The following NOP9 variants were observed in gnomAD, a reference collection of about 807,000 sequenced individuals.
The protein encoded by NOP9 is nucleolar protein 9.
NOP9 carries 50 observed loss-of-function variants against 63.0 expected under a neutral mutation model. The ratio of observed to expected loss-of-function variants is 0.79; its 90% CI spans 0.63 to 1.00. The LOEUF (loss-of-function observed/expected upper bound fraction) is 1.00. Ranked by LOEUF, NOP9 falls within the 50% of genes least tolerant of loss-of-function variation. The pLI is 0.00. For missense variants in NOP9, 758 were observed against 803.0 expected (o/e 0.94, Z 0.68); for synonymous variants, 343 against 332.8 (o/e 1.03, Z -0.33).
Position 24,299,963 on chromosome 14 carries a change from G to T in NOP9, c.9G>T (p.Gln3His). The change falls in exon 1 of 10, where the codon CAG becomes CAT. Residue 3 changes from glutamine (Q) to histidine (H), a missense_variant. Coordinates refer to ENST00000267425, the MANE Select transcript of NOP9 (RefSeq NM_174913.3). MG[Q>H]GPRSPHKVGR... ...CAGGTCGCGAAGCACACATGGGGCA[G>T]GGTCCGCGCTCTCCACACAAGGTGG... 6.4e-7 allele frequency: 1 copy of T among 1,559,310 alleles called. No individual in the cohort carries two copies. Among genetic ancestry groups the T allele is most frequent in the Non-Finnish European group, 8.7e-7 (1 of 1,153,566 alleles).
At chr14:24,287,715 C>T in the NOP9 span, among the ~76,000 whole-genome samples, 1 of 152,210 alleles carries the variant, frequency 6.6e-6, no homozygotes, top group Non-Finnish European at 1.5e-5. Flanking sequence ...ACCTCCACCC[C>T]TCGCCCATCC....
Position 24,306,282 on chromosome 14 carries a change from C to G in NOP9, c.*1187C>G, listed in dbSNP as rs1040452542. 3.2e-6 allele frequency: 5 copies of G among 1,568,130 alleles called. No homozygotes were observed. Among genetic ancestry groups the G allele is most frequent in the African/African-American group, 1.4e-5 (1 of 73,894 alleles). On this transcript the variant is annotated 3_prime_UTR_variant, in exon 10 of 10. Transcript: ENST00000267425. ...GACAATTCCACAACTCCTCCTGCAC[C>G]TGGTCCCCAGGATCAGGGTTAAGCT... is the stretch of plus-strand genomic sequence containing the variant.
At position 24,307,219 on chromosome 14, in the gene NOP9, A is replaced by C; in HGVS notation, c.*2124A>C. ...TCGGTGGAAAATGAACAAATTGACC[A>C]GAGCTCATTAGGCCCACTCCGCTGC... On this transcript the variant is annotated 3_prime_UTR_variant, in exon 10 of 10. Transcript: ENST00000267425. The C allele has an allele frequency of 7.9e-6, 6 of 757,584 alleles. No homozygotes were observed. The highest frequency in any genetic ancestry group is 1.3e-5 in the Non-Finnish European group (6 of 469,004). The allele number at this position is 757,584 out of a possible 1,614,324, so 46.9% of individuals were successfully genotyped here.
the NOP9 span, among the ~76,000 whole-genome samples, chr14:24,283,282 G>C: frequency 2.0e-5 from 3 of 152,150 alleles, no homozygotes; most frequent in African/African-American, 7.2e-5. Context: ...AAAGCATCAG[G>C]TCTTCCTTTA....
chr14:24,298,925 T>A (rs764018793), upstream of NOP9: 1 of 1,579,512 alleles, frequency 6.3e-7, no homozygotes, highest in South Asian at 1.1e-5. Context: ...TCGGGTGGTT[T>A]CTGCAACTGT....
At chr14:24,304,689 C>T (rs1474944523) in intron 9 of NOP9, 91 bp downstream of exon 9, 1 of 1,096,368 alleles carries the variant, frequency 9.1e-7, no homozygotes, top group African/African-American at 1.6e-5. Flanking sequence ...TGAAATTCAA[C>T]AGTCTTTAGT....
chr14:24,296,584 A>G, upstream of NOP9: 1 of 1,614,042 alleles, frequency 6.2e-7, no homozygotes, highest in South Asian at 1.1e-5. Flanking sequence ...GGTGTTCAGG[A>G]TCGTCTGGAA....
chr14:24,304,429 A>T, intron 8 of NOP9, 64 bp from the exon 9 acceptor site: 2 of 1,457,046 alleles, frequency 1.4e-6, no homozygotes, highest in Non-Finnish European at 1.9e-6. Flanking sequence ...TTCACTCTCC[A>T]CAAGCCTCCA....
rs913476536 is a variant in NOP9, at chr14:24,300,269, G to A, written c.247+68G>A. 13 of 1,590,910 alleles carry A rather than the reference G, an allele frequency of 8.2e-6. No homozygotes were observed. The African/African-American group carries it at 1.2e-4, about 15-fold the overall frequency. ...AGGGCAGGCAAGGAAACTTTCTAGGGTCGGCAGGGCGTGGGGACTTAGTTT... is the reference window on the plus strand; with the variant it reads ...AGGGCAGGCAAGGAAACTTTCTAGGATCGGCAGGGCGTGGGGACTTAGTTT... On this transcript the variant is annotated intron_variant, in intron 1 of 9. Transcript: ENST00000267425.
rs1431540433 is a variant in NOP9, at chr14:24,306,590, A to G, written c.*1495A>G. ...TGCCCCTTCCCTCTTTAGCTGCCCA[A>G]CATCCATCAGTTGGCTCTAGACATT... On this transcript the variant is annotated 3_prime_UTR_variant, in exon 10 of 10. Transcript: ENST00000267425. 8.1e-6 allele frequency: 13 copies of G among 1,601,366 alleles called. No individual in the cohort carries two copies. Among genetic ancestry groups the G allele is most frequent in the South Asian group, 4.4e-5 (4 of 90,656 alleles).
the NOP9 span, among the ~76,000 whole-genome samples, chr14:24,286,524 CT>C: frequency 6.6e-6 from 1 of 152,166 alleles, no homozygotes; most frequent in Non-Finnish European, 1.5e-5. Flanking sequence ...CTTGAATTTT[CT>C]TTTTCCATTT....
upstream of NOP9, chr14:24,296,771 A>G (rs369620999): frequency 1.9e-6 from 3 of 1,614,114 alleles, no homozygotes; most frequent in South Asian, 3.3e-5. Context: ...TGACCAGCAC[A>G]TCTAGACGCC....
Position 24,307,755 on chromosome 14 carries a change from G to T in NOP9, c.*2660G>T. 1.3e-6 allele frequency: 2 copies of T among 1,494,976 alleles called. No individual in the cohort carries two copies. Among genetic ancestry groups the T allele is most frequent in the East Asian group, 2.4e-5 (1 of 41,620 alleles). 92.6% of individuals were successfully genotyped at this position (1,494,976 alleles called of 1,614,324 possible). A position where few individuals can be genotyped will look rare whatever the true frequency, so the allele number is the denominator to read the frequency against. ...TGGTTAGTCTCCTAGGGGCTGAGTGGAGTATTGTTGCCCTGCCTATATCCC... is the reference window on the plus strand; with the variant it reads ...TGGTTAGTCTCCTAGGGGCTGAGTGTAGTATTGTTGCCCTGCCTATATCCC... On this transcript the variant is annotated 3_prime_UTR_variant, in exon 10 of 10. Coordinates refer to ENST00000267425, the MANE Select transcript of NOP9 (RefSeq NM_174913.3).
At chr14:24,295,609 C>G (rs2041236200), upstream of NOP9, among the ~76,000 whole-genome samples, 1 of 152,178 alleles carries the variant, frequency 6.6e-6, no homozygotes, top group Admixed American at 6.5e-5. Context: ...AAAACCCTGG[C>G]CAGCAAGAGA....
In NOP9 at chr14:24,302,413, A is replaced by G. The variant is rs1262502392; in HGVS notation, c.1132A>G (p.Thr378Ala). 6 of 1,606,910 alleles carry G rather than the reference A, an allele frequency of 3.7e-6. No homozygotes were observed. The South Asian group carries it at 4.4e-5, about 12-fold the overall frequency. ...GCAGCGCTTACTGGATGCAGTCACT[A>G]CCCCTGAGCTGGTGAGTTGGAAACC... ...PLQRLLDAVT[T>A]PELLSPVFEE... Residue 378 changes from threonine to alanine, a missense_variant, in exon 5 of 10, where the codon ACC becomes GCC. Thr to Ala is a moderately conservative substitution (Grantham distance 58). Transcript: ENST00000267425.
the NOP9 span, chr14:24,292,592 G>C: frequency 6.2e-7 from 1 of 1,613,712 alleles, no homozygotes; most frequent in Admixed American, 1.7e-5. Flanking sequence ...TGTACCTCCT[G>C]AGCTATAGGT....
chr14:24,298,648 G>T (rs771541823), upstream of NOP9: 26 of 266,128 alleles, frequency 9.8e-5, no homozygotes, highest in Non-Finnish European at 1.7e-4. Flanking sequence ...GAGTGCAGTG[G>T]TGTGATCATG....
Position 24,307,183 on chromosome 14 carries a change from G to T in NOP9, c.*2088G>T. 1.7e-6 allele frequency: 1 copy of T among 571,946 alleles called. No individual in the cohort carries two copies. Among genetic ancestry groups the T allele is most frequent in the Non-Finnish European group, 3.0e-6 (1 of 331,126 alleles). 35.4% of individuals were successfully genotyped at this position (571,946 alleles called of 1,614,324 possible). On this transcript the variant is annotated 3_prime_UTR_variant, in exon 10 of 10. Coordinates refer to ENST00000267425, the MANE Select transcript of NOP9 (RefSeq NM_174913.3). The stretch of plus-strand genomic sequence containing the variant: ...TCTCCTGCTAACCCCTGCTCCCATA[G>T]AAAAGCTCACTCGGTGGAAAATGAA...
chr14:24,282,923 T>G, the NOP9 span, among the ~76,000 whole-genome samples: 1 of 147,134 alleles, frequency 6.8e-6, no homozygotes, highest in Non-Finnish European at 1.5e-5. Context: ...AGGAAACTAT[T>G]CGCCCCCACA....
Sources: gnomAD v4.1 joint callset for allele counts (sites outside exome capture counted in the v4.1 genomes callset) on GRCh38, gnomAD v4.1.1 for gene constraint, MANE v1.5 for transcripts, NCBI Gene and HGNC (gene_info 2026-07-23, HGNC 2026-07-21) for gene names.